PCBP3: variants seen among roughly 807,000 people sequenced by gnomAD.
PCBP3 encodes poly(rC) binding protein 3, also known as poly(rC)-binding protein 3.
In PCBP3, 25 loss-of-function variants were observed where a neutral mutation model predicts 52.7. The ratio of observed to expected loss-of-function variants is 0.47; its 90% CI spans 0.35 to 0.66. PCBP3 has a LOEUF of 0.66. Ranked by LOEUF, PCBP3 falls within the 30% of genes least tolerant of loss-of-function variation. The pLI is 0.01. For missense variants in PCBP3, 391 were observed against 490.3 expected, an observed-to-expected ratio of 0.80 and a Z score of 1.91; for synonymous variants, 162 against 183.0, an observed-to-expected ratio of 0.89 and a Z score of 0.93.
At chr21:45,861,233 C>A (rs3788208) in intron 5 of PCBP3, among the ~76,000 whole-genome samples, 21,007 of 152,230 alleles carry the variant, frequency 0.14, 1,629 homozygotes, top group Middle Eastern at 0.28. Flanking sequence ...GGTGAGAAGG[C>A]CACTTACCCA....
intron 2 of PCBP3, among the ~76,000 whole-genome samples, chr21:45,679,063 C>G (rs1051404554): frequency 6.7e-6 from 1 of 149,584 alleles, no homozygotes; most frequent in Non-Finnish European, 1.5e-5. Context: ...ACTGAAGGCT[C>G]AGATGATTGT....
chr21:45,864,333 C>G (rs147409141), intron 5 of PCBP3, among the ~76,000 whole-genome samples: 1 of 152,184 alleles, frequency 6.6e-6, no homozygotes, highest in East Asian at 1.9e-4. Context: ...GGAGAGCATG[C>G]ACTTTTGCAG....
chr21:45,654,715 T>G (rs2079904535), intron 1 of PCBP3, among the ~76,000 whole-genome samples: 1 of 152,232 alleles, frequency 6.6e-6, no homozygotes, highest in Non-Finnish European at 1.5e-5. Context: ...TTAAACGTTT[T>G]GTGGGATATA....
At chr21:45,734,173 C>T (rs2085673593) in intron 2 of PCBP3, among the ~76,000 whole-genome samples, 1 of 152,202 alleles carries the variant, frequency 6.6e-6, no homozygotes, top group Non-Finnish European at 1.5e-5. Flanking sequence ...AGTCTGCTGC[C>T]AGTGCAGTCA....
chr21:45,780,538 T>C (rs1020269317), intron 4 of PCBP3, among the ~76,000 whole-genome samples: 1 of 152,242 alleles, frequency 6.6e-6, no homozygotes, highest in Non-Finnish European at 1.5e-5. Flanking sequence ...GATGTCCTTG[T>C]GGCCCTTGTC....
At chr21:45,815,304 AGTGAGTG>A (rs1303414982) in intron 4 of PCBP3, among the ~76,000 whole-genome samples, 3 of 33,620 alleles carry the variant, frequency 8.9e-5, no homozygotes, top group African/African-American at 2.8e-4. Flanking sequence ...GTGAGTGGTG[AGTGAGTG>A]GTGAGTGGTG....
chr21:45,698,915 A>G (rs1426235948), intron 2 of PCBP3, among the ~76,000 whole-genome samples: 2 of 152,226 alleles, frequency 1.3e-5, no homozygotes, highest in East Asian at 3.8e-4. Flanking sequence ...CGGCAGGGGC[A>G]GGGAACATTT....
chr21:45,814,264 AGTGAGTGGTGG>A (rs998844683), intron 4 of PCBP3, among the ~76,000 whole-genome samples: 4 of 152,176 alleles, frequency 2.6e-5, no homozygotes, highest in Non-Finnish European at 4.4e-5. Context: ...GCTCTGGGTG[AGTGAGTGGTGG>A]GTGAGTGGTG....
At chr21:45,919,843 G>A (rs1034171736) in intron 13 of PCBP3, among the ~76,000 whole-genome samples, 19 of 151,684 alleles carry the variant, frequency 1.3e-4, no homozygotes, top group African/African-American at 3.9e-4. Flanking sequence ...GTGTGCGCGC[G>A]CGCGTGCGCG....
intron 1 of PCBP3, among the ~76,000 whole-genome samples, chr21:45,646,524 A>G (rs1178465575): frequency 1.3e-5 from 2 of 152,168 alleles, no homozygotes; most frequent in East Asian, 1.9e-4. Flanking sequence ...AAAGGAATTT[A>G]TTTCTTATAG....
intron 5 of PCBP3, among the ~76,000 whole-genome samples, chr21:45,884,736 A>AT (rs1037122273): frequency 1.3e-5 from 2 of 151,936 alleles, no homozygotes; most frequent in Non-Finnish European, 1.5e-5. Flanking sequence ...AATTTTTTAA[A>AT]TTTTTTTGTA....
chr21:45,866,480 T>C (rs743352), intron 5 of PCBP3, among the ~76,000 whole-genome samples: 62,437 of 152,038 alleles, frequency 0.41, 15,253 homozygotes, highest in African/African-American at 0.68. Flanking sequence ...CGCTCATGGT[T>C]AAGGTTAACA....
chr21:45,660,507 T>A (rs980814306), intron 1 of PCBP3, among the ~76,000 whole-genome samples: 1 of 152,220 alleles, frequency 6.6e-6, no homozygotes, highest in Non-Finnish European at 1.5e-5. Flanking sequence ...TGCTTCTTGT[T>A]TTCTCTATGC....
At chr21:45,844,887 G>A (rs143127410) in intron 4 of PCBP3, among the ~76,000 whole-genome samples, 2,023 of 149,176 alleles carry the variant, frequency 0.014, 18 homozygotes, top group Middle Eastern at 0.025. Context: ...GTTTATATAC[G>A]TATATAAAGT....
At chr21:45,900,648 T>A in intron 8 of PCBP3, 25 bp downstream of exon 8, 1 of 622,160 alleles carries the variant, frequency 1.6e-6, no homozygotes, top group Non-Finnish European at 3.0e-6. Context: ...TCCCCACCTG[T>A]CCGCAGCCAT....
intron 3 of PCBP3, among the ~76,000 whole-genome samples, chr21:45,753,256 T>C (rs2087715110): frequency 6.6e-6 from 1 of 152,044 alleles, no homozygotes; most frequent in African/African-American, 2.4e-5. Context: ...ATATTTCTGT[T>C]CATTTCTGCT....
At chr21:45,705,254 C>T (rs1052895527) in intron 2 of PCBP3, among the ~76,000 whole-genome samples, 8 of 152,196 alleles carry the variant, frequency 5.3e-5, no homozygotes, top group African/African-American at 1.9e-4. Context: ...AGGGCTGTTG[C>T]TGTTTGTACT....
intron 2 of PCBP3, among the ~76,000 whole-genome samples, chr21:45,689,940 G>C (rs192060992): frequency 3.9e-4 from 60 of 152,198 alleles, no homozygotes; most frequent in African/African-American, 1.3e-3. Flanking sequence ...AATTTGAATT[G>C]ATCTACAGAT....
In PCBP3 at chr21:45,817,664, G is replaced by A. The variant is rs575459356; in HGVS notation, c.-125-32297G>A. Among the ~76,000 whole-genome samples, 27 of 152,306 alleles carry A rather than the reference G, an allele frequency of 1.8e-4. No individual in the cohort carries two copies. In the South Asian group the frequency reaches 5.6e-3, roughly 32 times the overall value. ...GAGGAGCTCAGCGTGTGTCTCCGCC[G>A]GGTGAAAGATCACAGTCCTGCACCC... On this transcript the variant is annotated intron_variant, in intron 4 of 17. Coordinates refer to ENST00000681687, the MANE Select transcript of PCBP3 (RefSeq NM_001384156.1). This position sits in a 1 kb window ranked among gnomAD's most constrained non-coding sequence, Gnocchi z 4.3.
Sources: allele counts gnomAD v4.1 joint callset (sites outside exome capture counted in the v4.1 genomes callset), GRCh38; gene constraint gnomAD v4.1.1; non-coding constraint Gnocchi (gnomAD v3.1); transcripts MANE v1.5; gene names NCBI Gene and HGNC (gene_info 2026-07-23, HGNC 2026-07-21).